OR7E24: variants seen among roughly 807,000 people sequenced by gnomAD.
OR7E24 encodes the protein olfactory receptor family 7 subfamily E member 24, also known as olfactory receptor 7E24.
For synonymous variants in OR7E24, 130 were observed against 157.5 expected (o/e 0.83, Z 1.31); for missense variants, 385 against 410.3 (o/e 0.94, Z 0.53).
the OR7E24 span, chr19:9,213,978 G>A: frequency 6.2e-7 from 1 of 1,614,160 alleles, no homozygotes; most frequent in Non-Finnish European, 8.5e-7. Context: ...GTAGATGAAG[G>A]GGTTCAGCAT....
chr19:9,226,025 G>A, the OR7E24 span, among the ~76,000 whole-genome samples: 1 of 152,224 alleles, frequency 6.6e-6, no homozygotes, highest in Non-Finnish European at 1.5e-5. Flanking sequence ...ACCTGTGCAT[G>A]CTCCTTCCTG....
chr19:9,243,776 C>T (rs925703917), upstream of OR7E24, among the ~76,000 whole-genome samples: 1 of 152,168 alleles, frequency 6.6e-6, no homozygotes, highest in South Asian at 2.1e-4. Flanking sequence ...TATGGATTCA[C>T]CTCAGAGGGT....
chr19:9,251,384 G>T lies in OR7E24; in HGVS notation c.341G>T (p.Gly114Val). The change falls in exon 1 of 1, where the codon GGC becomes GTC. Residue 114 changes from glycine (G) to valine (V), a missense_variant. Coordinates refer to ENST00000456448, the MANE Select transcript of OR7E24 (RefSeq NM_001079935.2). Reference sequence around the variant, plus strand: ...CACAGCAGAGTCATCTCCTATGAAGGCTGCCTGACTCAGATGTCTTTTTTT... The same window carrying T: ...CACAGCAGAGTCATCTCCTATGAAGTCTGCCTGACTCAGATGTCTTTTTTT... Reference protein sequence around the residue: ...QTHSRVISYEGCLTQMSFFVL... With the variant: ...QTHSRVISYEVCLTQMSFFVL... 6.2e-7 allele frequency: 1 copy of T among 1,614,002 alleles called. No homozygotes were observed. Among genetic ancestry groups the T allele is most frequent in the South Asian group, 1.1e-5 (1 of 91,074 alleles).
chr19:9,222,808 T>C, the OR7E24 span, among the ~76,000 whole-genome samples: 6 of 152,300 alleles, frequency 3.9e-5, no homozygotes, highest in South Asian at 2.1e-4. Flanking sequence ...TCTAACCTAA[T>C]TGATTTAGCT....
the OR7E24 span, chr19:9,213,745 A>G: frequency 9.5e-6 from 6 of 628,310 alleles, no homozygotes; most frequent in Admixed American, 5.9e-5. Context: ...CTCAAAAACA[A>G]TAACAATAAC....
the OR7E24 span, among the ~76,000 whole-genome samples, chr19:9,229,894 A>G: frequency 6.6e-6 from 1 of 152,122 alleles, no homozygotes; most frequent in Non-Finnish European, 1.5e-5. Flanking sequence ...CACACCATGG[A>G]GAAGAGAAAG....
In OR7E24 at chr19:9,252,278, T is replaced by C. The variant is rs1316941728; in HGVS notation, c.*215T>C. On this transcript the variant is annotated 3_prime_UTR_variant, in exon 1 of 1. Transcript: ENST00000456448. ...AATATACCTAGACAGCCTCCTTTAG[T>C]ATCTGTGCAATGACCTTGATATCCA... is the stretch of plus-strand genomic sequence containing the variant. 7 of 461,622 alleles carry C rather than the reference T, an allele frequency of 1.5e-5. No individual in the cohort carries two copies. Among genetic ancestry groups the C allele is most frequent in the African/African-American group, 1.2e-4 (6 of 50,962 alleles). 28.6% of individuals were successfully genotyped at this position (461,622 alleles called of 1,614,324 possible).
the OR7E24 span, chr19:9,214,537 C>A: frequency 6.2e-7 from 1 of 1,614,006 alleles, no homozygotes. Context: ...AAAAAATACA[C>A]CTGAGTGAGG....
the OR7E24 span, chr19:9,213,885 G>A: frequency 6.3e-7 from 1 of 1,597,214 alleles, no homozygotes; most frequent in Non-Finnish European, 8.6e-7. Flanking sequence ...TCTTAGTTCT[G>A]AGGCCCTGAT....
the OR7E24 span, among the ~76,000 whole-genome samples, chr19:9,237,552 T>C: frequency 6.6e-6 from 1 of 152,122 alleles, no homozygotes; most frequent in African/African-American, 2.4e-5. Context: ...CCTGACCTTG[T>C]GATCCATCCG....
At chr19:9,229,542 AAAAG>A in the OR7E24 span, among the ~76,000 whole-genome samples, 41 of 147,044 alleles carry the variant, frequency 2.8e-4, no homozygotes, top group Admixed American at 1.6e-3. Context: ...CTCAAAAAAA[AAAAG>A]AAAGAAAGAA....
the OR7E24 span, among the ~76,000 whole-genome samples, chr19:9,240,358 T>G: frequency 3.9e-5 from 6 of 152,210 alleles, no homozygotes; most frequent in Non-Finnish European, 7.3e-5. Flanking sequence ...CATGGAGGAT[T>G]ATTCCTATGT....
the OR7E24 span, among the ~76,000 whole-genome samples, chr19:9,228,108 C>T: frequency 6.6e-6 from 1 of 152,248 alleles, no homozygotes; most frequent in South Asian, 2.1e-4. Context: ...TCTTCCATAA[C>T]GAATGAACTA....
chr19:9,214,315 G>A, the OR7E24 span: 6 of 1,614,026 alleles, frequency 3.7e-6, no homozygotes, highest in Non-Finnish European at 4.2e-6. Context: ...AAGAAATGCG[G>A]AATCTCAGTG....
upstream of OR7E24, among the ~76,000 whole-genome samples, chr19:9,246,181 C>T (rs1211625462): frequency 6.7e-6 from 1 of 148,556 alleles, no homozygotes; most frequent in Non-Finnish European, 1.5e-5. Flanking sequence ...GCGATTCTTC[C>T]GCTTCAGTCT....
At position 9,251,098 on chromosome 19, in the gene OR7E24, A is replaced by G. The variant is rs375652683; in HGVS notation, c.55A>G (p.Thr19Ala). The G allele has an allele frequency of 3.0e-5, 49 of 1,613,020 alleles. No individual in the cohort carries two copies. The African/African-American group carries it at 6.1e-4, about 20-fold the overall frequency. ...FFFLKRCPSYTEPQNLTGVSE... is the reference protein window; with the variant it reads ...FFFLKRCPSYAEPQNLTGVSE... ...TTTCCTCAAAAGGTGTCCGAGCTAC[A>G]CAGAGCCACAGAATCTCACAGGTGT... is the stretch of plus-strand genomic sequence containing the variant. Residue 19 changes from threonine to alanine, a missense_variant, in exon 1 of 1, where the codon ACA becomes GCA. Coordinates refer to ENST00000456448, the MANE Select transcript of OR7E24 (RefSeq NM_001079935.2).
chr19:9,221,935 A>G, the OR7E24 span, among the ~76,000 whole-genome samples: 1 of 152,096 alleles, frequency 6.6e-6, no homozygotes, highest in African/African-American at 2.4e-5. Flanking sequence ...GTTATTTTCT[A>G]GCTTTTCTAT....
At chr19:9,208,456 G>C in the OR7E24 span, 1 of 152,196 alleles carries the variant, frequency 6.6e-6, no homozygotes, top group Non-Finnish European at 1.5e-5. Flanking sequence ...ATATGTCTTT[G>C]TGAAGAGAGT....
At chr19:9,246,463 G>A (rs1452413364), upstream of OR7E24, among the ~76,000 whole-genome samples, 2 of 109,944 alleles carry the variant, frequency 1.8e-5, no homozygotes, top group East Asian at 5.7e-4. Flanking sequence ...ACCCTTAAAG[G>A]TATTGTGTGT....
Sources: allele counts gnomAD v4.1 joint callset (sites outside exome capture counted in the v4.1 genomes callset), GRCh38; gene constraint gnomAD v4.1.1; transcripts MANE v1.5; gene names NCBI Gene and HGNC (gene_info 2026-07-23, HGNC 2026-07-21).